The following MGAT4C variants were observed in gnomAD, a reference collection of about 807,000 sequenced individuals.
The protein encoded by MGAT4C is MGAT4 family member C, also known as alpha-1,3-mannosyl-glycoprotein 4-beta-N-acetylglucosaminyltransferase C.
MGAT4C carries 19 observed loss-of-function variants against 40.1 expected under a neutral mutation model. That is an observed-to-expected ratio of 0.47 (90% CI 0.33 to 0.70). The LOEUF is 0.70. Ranked by LOEUF, MGAT4C falls within the 30% of genes least tolerant of loss-of-function variation. The pLI, the probability that MGAT4C is intolerant of heterozygous loss-of-function variation, is 0.02. For synonymous variants in MGAT4C, 181 were observed against 187.1 expected (o/e 0.97, Z 0.27); for missense variants, 491 against 563.2 (o/e 0.87, Z 1.30).
intron 2 of MGAT4C, among the ~76,000 whole-genome samples, chr12:86,551,022 G>C (rs370167914): frequency 1.2e-4 from 18 of 151,800 alleles, no homozygotes; most frequent in African/African-American, 3.9e-4. Flanking sequence ...GATCAGTCAC[G>C]TGCCCACATC....
At chr12:86,173,060 T>C (rs1000852305) in intron 1 of MGAT4C, among the ~76,000 whole-genome samples, 7 of 152,138 alleles carry the variant, frequency 4.6e-5, no homozygotes, top group Middle Eastern at 3.2e-3. Context: ...TCTACATTAA[T>C]GCAAGCATTA....
At chr12:86,093,731 AAAC>A (rs35399411) in intron 1 of MGAT4C, among the ~76,000 whole-genome samples, 15,011 of 149,394 alleles carry the variant, frequency 0.1, 811 homozygotes, top group African/African-American at 0.12. Context: ...CTCCGTCTAA[AAAC>A]AACAACAACA....
intron 1 of MGAT4C, among the ~76,000 whole-genome samples, chr12:86,770,954 C>A (rs1023037539): frequency 3.3e-5 from 5 of 151,910 alleles, no homozygotes; most frequent in African/African-American, 1.2e-4. Context: ...ACTGTCAATA[C>A]CTCAGAATGT....
At chr12:86,070,231 G>A (rs1472086173) in intron 1 of MGAT4C, among the ~76,000 whole-genome samples, 1 of 151,678 alleles carries the variant, frequency 6.6e-6, no homozygotes, top group Non-Finnish European at 1.5e-5. Flanking sequence ...CTCCAAACAG[G>A]CATTCTAATA....
chr12:86,820,912 A>C (rs1285602472), intron 1 of MGAT4C, among the ~76,000 whole-genome samples: 1 of 150,868 alleles, frequency 6.6e-6, no homozygotes, highest in African/African-American at 2.4e-5. Context: ...GTTCCACCCT[A>C]TTTAGGGCAA....
chr12:86,638,299 A>C (rs1331673973), intron 2 of MGAT4C, among the ~76,000 whole-genome samples: 1 of 151,812 alleles, frequency 6.6e-6, no homozygotes, highest in Non-Finnish European at 1.5e-5. Flanking sequence ...CTTTCCTATG[A>C]GAAAGGCTTT....
At chr12:86,144,105 C>T (rs963218899) in intron 1 of MGAT4C, among the ~76,000 whole-genome samples, 1 of 152,160 alleles carries the variant, frequency 6.6e-6, no homozygotes, top group East Asian at 1.9e-4. Context: ...CAGGAGAGAC[C>T]ACTCGGACAA....
At chr12:86,585,555 G>A (rs1960983357) in intron 2 of MGAT4C, among the ~76,000 whole-genome samples, 1 of 151,226 alleles carries the variant, frequency 6.6e-6, no homozygotes. Flanking sequence ...TTTCTTATGA[G>A]ATTGACATAT....
chr12:86,340,030 T>A (rs1255976050), intron 3 of MGAT4C, among the ~76,000 whole-genome samples: 1 of 152,170 alleles, frequency 6.6e-6, no homozygotes, highest in African/African-American at 2.4e-5. Context: ...CATTTGAACA[T>A]TGAATATATT....
At chr12:86,377,111 A>T (rs1198088323) in intron 3 of MGAT4C, among the ~76,000 whole-genome samples, 1 of 146,886 alleles carries the variant, frequency 6.8e-6, no homozygotes, top group Non-Finnish European at 1.5e-5. Context: ...CCCAGGCTAG[A>T]GTGCAATGGC....
At chr12:86,271,797 G>C (rs12316480) in intron 4 of MGAT4C, among the ~76,000 whole-genome samples, 14,120 of 152,212 alleles carry the variant, frequency 0.093, 830 homozygotes, top group Middle Eastern at 0.22. Context: ...TATATATACA[G>C]CATGGACTAT....
intron 2 of MGAT4C, among the ~76,000 whole-genome samples, chr12:86,566,185 A>C (rs937406423): frequency 2.6e-5 from 4 of 152,070 alleles, no homozygotes; most frequent in African/African-American, 9.7e-5. Flanking sequence ...TGAAGGATAC[A>C]AAGTATTGAT....
chr12:86,731,674 T>C (rs552941628), intron 1 of MGAT4C, among the ~76,000 whole-genome samples: 10 of 152,144 alleles, frequency 6.6e-5, no homozygotes, highest in Admixed American at 1.3e-4. Flanking sequence ...TATAAATTTA[T>C]ATTTCTAAAT....
chr12:86,165,367 C>G (rs936521109), intron 1 of MGAT4C, among the ~76,000 whole-genome samples: 2 of 151,986 alleles, frequency 1.3e-5, no homozygotes, highest in African/African-American at 4.8e-5. Flanking sequence ...CACATGTAAT[C>G]TAAGCATAAT....
chr12:86,445,040 A>G (rs1014787287), intron 2 of MGAT4C, among the ~76,000 whole-genome samples: 2 of 152,202 alleles, frequency 1.3e-5, no homozygotes, highest in Admixed American at 1.3e-4. Flanking sequence ...GGGTGGAAGA[A>G]TTGGTGTGAG....
At chr12:86,705,255 T>TATC in intron 2 of MGAT4C, among the ~76,000 whole-genome samples, 1 of 151,422 alleles carries the variant, frequency 6.6e-6, no homozygotes, top group Middle Eastern at 3.4e-3. Flanking sequence ...TCTATCTATC[T>TATC]ATCTATCTAT....
chr12:86,263,384 T>C (rs985937633), intron 4 of MGAT4C, among the ~76,000 whole-genome samples: 4 of 152,156 alleles, frequency 2.6e-5, no homozygotes, highest in East Asian at 1.9e-4. Context: ...TCTATGTCCA[T>C]GTTTCTACAT....
intron 2 of MGAT4C, among the ~76,000 whole-genome samples, chr12:86,706,953 A>C (rs867772621): frequency 1.3e-4 from 20 of 152,242 alleles, no homozygotes; most frequent in African/African-American, 4.6e-4. Context: ...GTTTTATAAG[A>C]GGAAGTTTCC....
chr12:86,781,815 GT>G (rs1294998374), intron 1 of MGAT4C, among the ~76,000 whole-genome samples: 1 of 152,028 alleles, frequency 6.6e-6, no homozygotes, highest in Non-Finnish European at 1.5e-5. Flanking sequence ...AATTTCCATA[GT>G]TGTGGATGCC....
Sources: gnomAD v4.1 joint callset for allele counts (sites outside exome capture counted in the v4.1 genomes callset) on GRCh38, gnomAD v4.1.1 for gene constraint, MANE v1.5 for transcripts, NCBI Gene and HGNC (gene_info 2026-07-23, HGNC 2026-07-21) for gene names.